Variants in RAPGEF4 observed in about 807,000 individuals in gnomAD.
The protein encoded by RAPGEF4 is Rap guanine nucleotide exchange factor 4.
Under a neutral mutation model 147.9 loss-of-function variants are expected in RAPGEF4, and 66 were observed. The ratio of observed to expected loss-of-function variants is 0.45; its 90% CI spans 0.37 to 0.55. The LOEUF is 0.55. RAPGEF4 is among the 20% of genes least tolerant of loss of function. The pLI is 0.00. For missense variants in RAPGEF4, 1,071 were observed against 1,257.3 expected (o/e 0.85, Z 2.24); for synonymous variants, 419 against 442.7 (o/e 0.95, Z 0.67).
At chr2:172,754,640 C>G (rs1417554982) in intron 1 of RAPGEF4, among the ~76,000 whole-genome samples, 1 of 152,114 alleles carries the variant, frequency 6.6e-6, no homozygotes, top group Non-Finnish European at 1.5e-5. Context: ...AACCCCAGTC[C>G]TTTTCCACTG....
chr2:172,817,214 C>G (rs1688596796), intron 4 of RAPGEF4, among the ~76,000 whole-genome samples: 1 of 152,110 alleles, frequency 6.6e-6, no homozygotes, highest in African/African-American at 2.4e-5. Context: ...TGCTTCTGCT[C>G]TCAGGCTAGG....
chr2:173,043,718 C>T (rs1019685337), intron 29 of RAPGEF4, among the ~76,000 whole-genome samples: 1 of 152,248 alleles, frequency 6.6e-6, no homozygotes, highest in Admixed American at 6.5e-5. Flanking sequence ...AAGGGTGACG[C>T]CTGCCAAGAG....
chr2:172,751,442 A>G (rs955498980), intron 1 of RAPGEF4, among the ~76,000 whole-genome samples: 1 of 152,198 alleles, frequency 6.6e-6, no homozygotes, highest in African/African-American at 2.4e-5. Flanking sequence ...GAGAAGTTAG[A>G]TGGTAATAAA....
At chr2:172,910,555 G>C (rs931178501) in intron 4 of RAPGEF4, among the ~76,000 whole-genome samples, 12 of 152,316 alleles carry the variant, frequency 7.9e-5, no homozygotes, top group Admixed American at 3.9e-4. Context: ...GGGCACAAAG[G>C]GATGCCTTGC....
chr2:172,857,306 C>T (rs765911713), intron 4 of RAPGEF4, among the ~76,000 whole-genome samples: 6 of 152,080 alleles, frequency 3.9e-5, no homozygotes, highest in Non-Finnish European at 7.4e-5. Context: ...CCAATGGGAG[C>T]TTTTAATGGT....
intron 4 of RAPGEF4, among the ~76,000 whole-genome samples, chr2:172,863,638 C>G (rs1042084794): frequency 2.6e-5 from 4 of 152,156 alleles, no homozygotes; most frequent in African/African-American, 9.7e-5. Context: ...TATGATTTGT[C>G]AGAAAGTTTG....
chr2:172,800,949 C>T (rs1036531028), intron 3 of RAPGEF4, among the ~76,000 whole-genome samples: 1 of 152,118 alleles, frequency 6.6e-6, no homozygotes, highest in African/African-American at 2.4e-5. Context: ...TGGGTGAAGG[C>T]CATGGGTAAG....
At chr2:172,784,455 T>TTGCAGTGCGCCGAGATCGTGCCAC (rs1251141777) in intron 1 of RAPGEF4, among the ~76,000 whole-genome samples, 35 of 151,528 alleles carry the variant, frequency 2.3e-4, no homozygotes, top group Middle Eastern at 6.4e-3. Context: ...GAAGCAGAGC[T>TTGCAGTGCGCCGAGATCGTGCCAC]TGCAGTGCGC....
At chr2:172,973,899 A>G (rs1690783588) in intron 10 of RAPGEF4, among the ~76,000 whole-genome samples, 1 of 152,210 alleles carries the variant, frequency 6.6e-6, no homozygotes, top group Non-Finnish European at 1.5e-5. Flanking sequence ...ACTGAGCACA[A>G]GAGCTCTGGG....
chr2:172,852,771 A>G (rs1440641678), intron 4 of RAPGEF4, among the ~76,000 whole-genome samples: 1 of 152,184 alleles, frequency 6.6e-6, no homozygotes, highest in Non-Finnish European at 1.5e-5. Context: ...TTAACTGTAT[A>G]TTAAAGACAT....
chr2:172,907,938 CCA>C (rs1352471985), intron 4 of RAPGEF4, among the ~76,000 whole-genome samples: 1 of 152,140 alleles, frequency 6.6e-6, no homozygotes, highest in Non-Finnish European at 1.5e-5. Context: ...TGCTGTTATC[CCA>C]GTTTCCTTAC....
At chr2:172,917,595 C>A in intron 4 of RAPGEF4, 1 of 682,266 alleles carries the variant, frequency 1.5e-6, no homozygotes, top group South Asian at 1.6e-5. Context: ...TGCCCCCGGG[C>A]ACATTCAGTC....
chr2:172,780,565 G>A (rs1684589044), intron 1 of RAPGEF4, among the ~76,000 whole-genome samples: 1 of 152,152 alleles, frequency 6.6e-6, no homozygotes, highest in Non-Finnish European at 1.5e-5. Flanking sequence ...GCAAATAGCG[G>A]GAGGGCAGAG....
intron 3 of RAPGEF4, among the ~76,000 whole-genome samples, chr2:172,808,144 A>G (rs1687681728): frequency 6.6e-6 from 1 of 152,228 alleles, no homozygotes; most frequent in Non-Finnish European, 1.5e-5. Flanking sequence ...TAGTTATATG[A>G]CACATAACCA....
chr2:172,937,892 G>T (rs114971945), intron 6 of RAPGEF4, among the ~76,000 whole-genome samples: 185 of 152,062 alleles, frequency 1.2e-3, no homozygotes, highest in African/African-American at 4.3e-3. Context: ...TGCTCAAATT[G>T]TTCCAGCTTT....
chr2:172,988,344 G>A, intron 13 of RAPGEF4, 72 bp downstream of exon 13: 1 of 1,524,832 alleles, frequency 6.6e-7, no homozygotes, highest in East Asian at 2.3e-5. Context: ...TATTAGCAAT[G>A]TAGTGCCACA....
At chr2:172,921,395 A>G (rs544319104) in intron 5 of RAPGEF4, among the ~76,000 whole-genome samples, 1 of 152,268 alleles carries the variant, frequency 6.6e-6, no homozygotes, top group South Asian at 2.1e-4. Context: ...GCTAGCACTC[A>G]GTTCTTTTAA....
intron 17 of RAPGEF4, among the ~76,000 whole-genome samples, chr2:173,011,889 T>C (rs1176331961): frequency 6.6e-6 from 1 of 151,662 alleles, no homozygotes; most frequent in African/African-American, 2.4e-5. Context: ...TTAATTGTCC[T>C]ATCTTGGGGT....
At chr2:173,012,975 A>G (rs1695164142) in intron 17 of RAPGEF4, among the ~76,000 whole-genome samples, 1 of 152,286 alleles carries the variant, frequency 6.6e-6, no homozygotes, top group East Asian at 1.9e-4. Context: ...TAATTTTCAC[A>G]TAAAGCGATC....
Sources: gnomAD v4.1 joint callset for allele counts (sites outside exome capture counted in the v4.1 genomes callset) on GRCh38, gnomAD v4.1.1 for gene constraint, MANE v1.5 for transcripts, NCBI Gene and HGNC (gene_info 2026-07-23, HGNC 2026-07-21) for gene names.